The following SPAG16 variants were observed in gnomAD, a reference collection of about 807,000 sequenced individuals.
SPAG16 encodes the protein sperm-associated antigen 16 protein.
A neutral mutation model predicts 80.4 loss-of-function variants in SPAG16; 86 were observed. That is an observed-to-expected ratio of 1.07 (90% CI 0.90 to 1.28). The LOEUF (loss-of-function observed/expected upper bound fraction) is 1.28, where lower values mean the gene tolerates loss of function less well. SPAG16 is among the 50% of genes most tolerant of loss of function. The probability of loss-of-function intolerance (pLI) is 0.00; values close to 1 mark genes in which losing one functional copy is unlikely to be tolerated. For missense variants in SPAG16, 870 were observed against 765.3 expected, an observed-to-expected ratio of 1.14 and a Z score of -1.61; for synonymous variants, 294 against 265.9, an observed-to-expected ratio of 1.11 and a Z score of -1.03.
intron 14 of SPAG16, among the ~76,000 whole-genome samples, chr2:214,121,893 TA>T (rs1202858381): frequency 1.3e-5 from 2 of 151,852 alleles, no homozygotes; most frequent in Admixed American, 6.6e-5. Context: ...ATCCCCATGA[TA>T]TTACATTATG....
chr2:213,411,521 G>A lies in SPAG16; in HGVS notation c.942+36402G>A, dbSNP rs146592917. On this transcript the variant is annotated intron_variant, in intron 9 of 15. Transcript: ENST00000331683. ...GATATTAGCAGAAAGAGGAGTTTGC[G>A]TCATGATTAAAACTCAATGTTGTAT... Among the ~76,000 whole-genome samples, 17 of 152,272 alleles carry A rather than the reference G, an allele frequency of 1.1e-4. No homozygotes were observed. The East Asian group carries it at 2.5e-3, about 22-fold the overall frequency.
chr2:213,405,085 A>G (rs952091748), intron 9 of SPAG16, among the ~76,000 whole-genome samples: 1 of 152,326 alleles, frequency 6.6e-6, no homozygotes, highest in Admixed American at 6.5e-5. Context: ...TCGTAAACAC[A>G]TGCTTTACTT....
chr2:214,290,971 C>T (rs1171249981), intron 15 of SPAG16, among the ~76,000 whole-genome samples: 1 of 152,134 alleles, frequency 6.6e-6, no homozygotes, highest in Non-Finnish European at 1.5e-5. Flanking sequence ...ACATTTTCCA[C>T]TATTATTGTA....
At chr2:213,746,729 C>A (rs1442293260) in intron 10 of SPAG16, among the ~76,000 whole-genome samples, 1 of 152,138 alleles carries the variant, frequency 6.6e-6, no homozygotes, top group Admixed American at 6.5e-5. Context: ...ATCACTTGAA[C>A]CCAGGAGGCA....
At chr2:214,224,512 CAACCAATA>C (rs1294834999) in intron 15 of SPAG16, among the ~76,000 whole-genome samples, 2 of 152,070 alleles carry the variant, frequency 1.3e-5, no homozygotes, top group African/African-American at 4.8e-5. Flanking sequence ...AAAAGCTTTG[CAACCAATA>C]AATAATGCCT....
chr2:214,073,150 A>C (rs1038644855), intron 13 of SPAG16, among the ~76,000 whole-genome samples: 1 of 152,180 alleles, frequency 6.6e-6, no homozygotes, highest in African/African-American at 2.4e-5. Context: ...GCAATAAAAA[A>C]TCAACTACCT....
chr2:213,804,994 T>C (rs1212550856), intron 10 of SPAG16, among the ~76,000 whole-genome samples: 2 of 152,210 alleles, frequency 1.3e-5, no homozygotes. Flanking sequence ...TTGGAAATTT[T>C]AGCTGGCTGT....
At chr2:213,534,652 C>T (rs1421362340) in intron 10 of SPAG16, among the ~76,000 whole-genome samples, 1 of 152,006 alleles carries the variant, frequency 6.6e-6, no homozygotes, top group Non-Finnish European at 1.5e-5. Flanking sequence ...TTGTATGATT[C>T]TCTTGCTGTG....
rs543364225 is a variant in SPAG16, at chr2:214,410,386, G to T, written c.*71G>T. 21 of 1,411,220 alleles carry T rather than the reference G, an allele frequency of 1.5e-5. No homozygotes were observed. In the Admixed American group the frequency reaches 4.2e-4, roughly 28 times the overall value. The allele number at this position is 1,411,220 out of a possible 1,614,324, so 87.4% of individuals were successfully genotyped here. ...AAATGCCTCCTGTAGTCCCAAACCA[G>T]CAAAGAACTGGTTAAATGTGCCAGC... On this transcript the variant is annotated 3_prime_UTR_variant, in exon 16 of 16. Coordinates refer to ENST00000331683, the MANE Select transcript of SPAG16 (RefSeq NM_024532.5).
intron 6 of SPAG16, among the ~76,000 whole-genome samples, chr2:213,343,208 A>G (rs1575277205): frequency 6.6e-6 from 1 of 152,216 alleles, no homozygotes; most frequent in East Asian, 1.9e-4. Context: ...AGGAGTTCTG[A>G]CCAGCCATAA....
At chr2:213,586,083 A>G (rs17752934) in intron 10 of SPAG16, among the ~76,000 whole-genome samples, 2,235 of 152,286 alleles carry the variant, frequency 0.015, 23 homozygotes, top group South Asian at 0.036. Context: ...ATTCAACTTA[A>G]ATTCTTCTTA....
chr2:213,378,093 T>A (rs1280228978), intron 9 of SPAG16, among the ~76,000 whole-genome samples: 1 of 152,094 alleles, frequency 6.6e-6, no homozygotes, highest in African/African-American at 2.4e-5. Context: ...GCATCCAGCA[T>A]GGAGAAAGAT....
intron 11 of SPAG16, among the ~76,000 whole-genome samples, chr2:213,904,511 A>G (rs547997485): frequency 6.6e-5 from 10 of 151,780 alleles, no homozygotes; most frequent in African/African-American, 2.4e-4. Flanking sequence ...CCCTCCCACA[A>G]CATGTGGGAA....
At chr2:213,368,587 A>T (rs1257616942) in intron 8 of SPAG16, among the ~76,000 whole-genome samples, 1 of 152,232 alleles carries the variant, frequency 6.6e-6, no homozygotes, top group African/African-American at 2.4e-5. Flanking sequence ...GGAAAAAGAA[A>T]TAAAGGGTAT....
intron 15 of SPAG16, among the ~76,000 whole-genome samples, chr2:214,321,175 A>G (rs1696070972): frequency 6.6e-6 from 1 of 152,224 alleles, no homozygotes; most frequent in Admixed American, 6.5e-5. Context: ...GGAACACCTT[A>G]GTCTTAAATA....
In SPAG16 at chr2:214,410,329, C is replaced by A. The variant is rs760509014; in HGVS notation, c.*14C>A. On this transcript the variant is annotated 3_prime_UTR_variant, in exon 16 of 16. Coordinates refer to ENST00000331683, the MANE Select transcript of SPAG16 (RefSeq NM_024532.5). ...ACGTGGTCTTGACCGTCAGCACATC[C>A]CGCTGCAGAGGGCATTCCCTTTAAG... The A allele has an allele frequency of 1.3e-6, 2 of 1,581,496 alleles. No individual in the cohort carries two copies. The highest frequency in any genetic ancestry group is 8.7e-7 in the Non-Finnish European group (1 of 1,155,580).
intron 12 of SPAG16, among the ~76,000 whole-genome samples, chr2:213,972,543 T>G (rs1056379322): frequency 6.6e-6 from 1 of 152,178 alleles, no homozygotes; most frequent in African/African-American, 2.4e-5. Context: ...GTGTCTTCAG[T>G]GAGTTGGGTG....
intron 13 of SPAG16, 42 bp from the exon 14 acceptor site, chr2:214,108,154 A>G (rs747209408): frequency 6.7e-7 from 1 of 1,491,188 alleles, no homozygotes; most frequent in Admixed American, 2.0e-5. Flanking sequence ...TTTACGTTCC[A>G]AAAGAAATTT....
chr2:213,374,030 C>T (rs1021363847), intron 8 of SPAG16, among the ~76,000 whole-genome samples: 5 of 152,108 alleles, frequency 3.3e-5, no homozygotes, highest in Non-Finnish European at 4.4e-5. Context: ...TAGCTTAGCA[C>T]CTTCGGGGAG....
Sources: gnomAD v4.1 joint callset for allele counts (sites outside exome capture counted in the v4.1 genomes callset) on GRCh38, gnomAD v4.1.1 for gene constraint, MANE v1.5 for transcripts, NCBI Gene and HGNC (gene_info 2026-07-23, HGNC 2026-07-21) for gene names.